GDPD1: variants seen among roughly 807,000 people sequenced by gnomAD.
GDPD1 encodes glycerophosphodiester phosphodiesterase domain containing 1, also known as lysophospholipase D GDPD1.
Under a neutral mutation model 45.1 loss-of-function variants are expected in GDPD1, and 28 were observed. The observed-to-expected ratio is 0.62, with a 90% CI of 0.46 to 0.85. The LOEUF (loss-of-function observed/expected upper bound fraction) is 0.85, where lower values mean the gene tolerates loss of function less well. Ranked by LOEUF, GDPD1 falls within the 40% of genes least tolerant of loss-of-function variation. The pLI, the probability that GDPD1 is intolerant of heterozygous loss-of-function variation, is 0.00. For synonymous variants in GDPD1, 139 were observed against 131.4 expected, an observed-to-expected ratio of 1.06 and a Z score of -0.40; for missense variants, 256 against 364.8, an observed-to-expected ratio of 0.70 and a Z score of 2.43.
intron 2 of GDPD1, among the ~76,000 whole-genome samples, chr17:59,241,073 G>C (rs983990416): frequency 6.6e-6 from 1 of 152,138 alleles, no homozygotes; most frequent in African/African-American, 2.4e-5. Context: ...TTGTAACCAC[G>C]GAACAATAGG....
chr17:59,235,382 T>C (rs1187756196), intron 2 of GDPD1, among the ~76,000 whole-genome samples: 1 of 152,190 alleles, frequency 6.6e-6, no homozygotes, highest in Admixed American at 6.6e-5. Flanking sequence ...TTCCTATTAT[T>C]ATTAGGTACA....
chr17:59,267,676 T>G lies in GDPD1; in HGVS notation c.710+502T>G, dbSNP rs186041496. ...ACTGTTTTTATAGTGGTTTTTTGTT[T>G]TTTTTTTTTTGAGATGGAGTTTTGC... On this transcript the variant is annotated intron_variant, in intron 7 of 9. Coordinates refer to ENST00000284116, the MANE Select transcript of GDPD1 (RefSeq NM_182569.4). Among the ~76,000 whole-genome samples, 510 of 151,682 alleles carry G rather than the reference T, an allele frequency of 3.4e-3. 1 individual carries two copies. The highest frequency in any genetic ancestry group is 0.012 in the African/African-American group (477 of 41,446).
At chr17:59,267,197 TA>T in intron 7 of GDPD1, 23 bp downstream of exon 7, 1 of 1,580,602 alleles carries the variant, frequency 6.3e-7, no homozygotes, top group African/African-American at 1.4e-5. Context: ...CCTTTTATTT[TA>T]AAATCAATTA....
intron 2 of GDPD1, among the ~76,000 whole-genome samples, chr17:59,237,175 G>T (rs1384664319): frequency 6.6e-6 from 1 of 152,094 alleles, no homozygotes; most frequent in Non-Finnish European, 1.5e-5. Context: ...AAGGCTGGTA[G>T]GTCACTGGAG....
intron 6 of GDPD1, chr17:59,260,904 A>G (rs2047350574): frequency 6.6e-6 from 1 of 152,236 alleles, no homozygotes; most frequent in Non-Finnish European, 1.5e-5. Context: ...CTAACAGAGA[A>G]GGCAAAAACA....
chr17:59,222,767 A>AGC (rs1341869038), intron 1 of GDPD1, among the ~76,000 whole-genome samples: 3 of 151,656 alleles, frequency 2.0e-5, no homozygotes, highest in African/African-American at 7.3e-5. Context: ...CACCCGCCTT[A>AGC]GCCTCCCAAA....
chr17:59,271,613 ATTTT>A (rs2047444868), intron 8 of GDPD1, among the ~76,000 whole-genome samples: 1 of 149,562 alleles, frequency 6.7e-6, no homozygotes, highest in Admixed American at 6.7e-5. Flanking sequence ...TTCTTATTTT[ATTTT>A]ATTTTATTTT....
At chr17:59,226,843 T>A (rs1345371182) in intron 1 of GDPD1, among the ~76,000 whole-genome samples, 1 of 149,426 alleles carries the variant, frequency 6.7e-6, no homozygotes, top group African/African-American at 2.4e-5. Flanking sequence ...CCCAGCTAAT[T>A]TTTTTTTTTG....
In GDPD1 at chr17:59,257,773, A is replaced by G; in HGVS notation, c.509A>G (p.Tyr170Cys). Residue 170 changes from tyrosine (Y) to cysteine (C), a missense_variant, in exon 6 of 10, where the codon TAT (tyrosine) becomes TGT (cysteine). By Grantham distance (194) the Tyr-to-Cys change is radical. Coordinates refer to ENST00000284116, the MANE Select transcript of GDPD1 (RefSeq NM_182569.4). Reference sequence around the variant, plus strand: ...TAGGTTTCAGAGTTGGTGAAGCGGTATAATCGAGAACACTTAACAGTGTGG... The same window carrying G: ...TAGGTTTCAGAGTTGGTGAAGCGGTGTAATCGAGAACACTTAACAGTGTGG... Reference protein sequence around the residue: ...IKKVSELVKRYNREHLTVWGN... With the variant: ...IKKVSELVKRCNREHLTVWGN... 1 of 1,606,490 alleles carries G rather than the reference A, an allele frequency of 6.2e-7. No homozygotes were observed. The highest frequency in any genetic ancestry group is 8.5e-7 in the Non-Finnish European group (1 of 1,177,248).
chr17:59,259,353 G>A lies in GDPD1; in HGVS notation c.576+1513G>A, dbSNP rs1000264764. On this transcript the variant is annotated intron_variant, in intron 6 of 9. Coordinates refer to ENST00000284116, the MANE Select transcript of GDPD1 (RefSeq NM_182569.4). Reference sequence around the variant, plus strand: ...GAGGCCGAGGAGGGCGGATCACGAGGTTGGGAGATTGAGACCATCCTGGCT... The same window carrying A: ...GAGGCCGAGGAGGGCGGATCACGAGATTGGGAGATTGAGACCATCCTGGCT... Among the ~76,000 whole-genome samples, 55 of 151,932 alleles carry A rather than the reference G, an allele frequency of 3.6e-4. 1 individual carries two copies. Among genetic ancestry groups the A allele is most frequent in the Non-Finnish European group, 1.0e-4 (7 of 67,956 alleles).
chr17:59,261,773 A>G (rs907284541), intron 6 of GDPD1, among the ~76,000 whole-genome samples: 2 of 151,970 alleles, frequency 1.3e-5, no homozygotes, highest in African/African-American at 4.8e-5. Flanking sequence ...AGCTGGGACT[A>G]CAGGTATGTA....
rs1044698963 is a variant in GDPD1 at position 59,275,085 on chromosome 17, A to C, written c.*1312A>C. 7.1e-6 allele frequency: 9 copies of C among 1,272,238 alleles called. No individual in the cohort carries two copies. In the African/African-American group the frequency reaches 1.2e-4, roughly 17 times the overall value. The allele number at this position is 1,272,238 out of a possible 1,614,324, so 78.8% of individuals were successfully genotyped here. On this transcript the variant is annotated 3_prime_UTR_variant, in exon 10 of 10. Transcript: ENST00000284116. ...TCGAACTCCTGACCTCAGGTGATCC[A>C]CCCACCTCGGCCTCTCAAAGTGCTG...
At chr17:59,234,707 A>G (rs762792524) in intron 2 of GDPD1, among the ~76,000 whole-genome samples, 173 bp downstream of exon 2, 11 of 152,120 alleles carry the variant, frequency 7.2e-5, no homozygotes, top group Non-Finnish European at 1.2e-4. Context: ...AAGTGTTACA[A>G]AGAGTTTGGC....
intron 1 of GDPD1, among the ~76,000 whole-genome samples, chr17:59,225,491 T>A (rs2047040604): frequency 6.6e-6 from 1 of 152,058 alleles, no homozygotes; most frequent in Non-Finnish European, 1.5e-5. Flanking sequence ...TGAGGTGGTG[T>A]CTGCCAAGCT....
At chr17:59,246,386 A>G (rs770722438) in intron 3 of GDPD1, among the ~76,000 whole-genome samples, 5 of 152,056 alleles carry the variant, frequency 3.3e-5, no homozygotes, top group Admixed American at 3.3e-4. Flanking sequence ...TGGGAGGCTG[A>G]GGCAGGCAGA....
intron 4 of GDPD1, among the ~76,000 whole-genome samples, chr17:59,252,008 A>AG (rs2047258271): frequency 1.3e-5 from 2 of 150,528 alleles, no homozygotes; most frequent in African/African-American, 4.9e-5. Flanking sequence ...AAAAAAAAAA[A>AG]AAAGAGAAAA....
chr17:59,256,279 T>C (rs2147895390), intron 4 of GDPD1, among the ~76,000 whole-genome samples: 1 of 152,048 alleles, frequency 6.6e-6, no homozygotes, highest in East Asian at 1.9e-4. Flanking sequence ...ATCGTGTCAC[T>C]GCACTCCAGT....
In GDPD1 at chr17:59,261,913, CTTTTTTTTTTT is replaced by C. The variant is rs58058526; in HGVS notation, c.576+4085_576+4095del. On this transcript the variant is annotated intron_variant, in intron 6 of 9. Coordinates refer to ENST00000284116, the MANE Select transcript of GDPD1 (RefSeq NM_182569.4). Reference sequence around the variant, plus strand: ...TTTCCCAAAGTGCTGAGATTACAGGCTTTTTTTTTTTTTTTTTTTTTTGAGACGGAGTCTCG... The same window carrying C: ...TTTCCCAAAGTGCTGAGATTACAGGCTTTTTTTTTTTGAGACGGAGTCTCG... 5.1e-3 allele frequency among the ~76,000 whole-genome samples: 402 copies of C among 79,340 alleles called. 5 individuals are homozygous for C. Among genetic ancestry groups the C allele is most frequent in the Non-Finnish European group, 6.8e-3 (310 of 45,444 alleles). 52.1% of individuals were successfully genotyped at this position (79,340 alleles called of 152,430 possible). A position where few individuals can be genotyped will look rare whatever the true frequency, so the allele number is the denominator to read the frequency against.
intron 1 of GDPD1, among the ~76,000 whole-genome samples, chr17:59,226,917 G>A (rs2047051544): frequency 6.6e-6 from 1 of 151,398 alleles, no homozygotes; most frequent in Admixed American, 6.6e-5. Flanking sequence ...CTGACCTCAG[G>A]TGATCCACCT....
Sources: gnomAD v4.1 joint callset for allele counts (sites outside exome capture counted in the v4.1 genomes callset) on GRCh38, gnomAD v4.1.1 for gene constraint, MANE v1.5 for transcripts, NCBI Gene and HGNC (gene_info 2026-07-23, HGNC 2026-07-21) for gene names.